The following TSPAN5 variants were observed in gnomAD, a reference collection of about 807,000 sequenced individuals.
TSPAN5 encodes tetraspanin 5.
A neutral mutation model predicts 37.1 loss-of-function variants in TSPAN5; 10 were observed. The ratio of observed to expected loss-of-function variants is 0.27; its 90% CI spans 0.17 to 0.46. The LOEUF (loss-of-function observed/expected upper bound fraction) is 0.46. Among genes scored for constraint, TSPAN5 ranks in the 20% least tolerant of loss-of-function variants. The pLI is 1.00. For synonymous variants in TSPAN5, 110 were observed against 118.9 expected (o/e 0.93, Z 0.48); for missense variants, 195 against 326.6 (o/e 0.60, Z 3.11).
chr4:98,609,106 G>T (rs548170397), intron 1 of TSPAN5, among the ~76,000 whole-genome samples: 2 of 151,792 alleles, frequency 1.3e-5, no homozygotes, highest in African/African-American at 2.4e-5. Context: ...GTAGTAACAG[G>T]AATGGATGCA....
At chr4:98,632,353 C>A (rs1756767280) in intron 1 of TSPAN5, among the ~76,000 whole-genome samples, 1 of 152,150 alleles carries the variant, frequency 6.6e-6, no homozygotes, top group African/African-American at 2.4e-5. Context: ...TCTGACCCCC[C>A]GACCCTGGAA....
At chr4:98,512,709 T>A (rs1271422501) in intron 1 of TSPAN5, among the ~76,000 whole-genome samples, 1 of 152,254 alleles carries the variant, frequency 6.6e-6, no homozygotes, top group Non-Finnish European at 1.5e-5. Context: ...GTACAGTGCC[T>A]TATTCTAACT....
chr4:98,476,306 C>T lies in TSPAN5; in HGVS notation c.625-1G>A. ...AGATTACAATCTGCTGGTCAACTTC[C>T]TTCACAAGAGAAGAGGAGAGCACAT... On this transcript the variant is annotated splice_acceptor_variant, in intron 6 of 7. Transcript: ENST00000305798. LOFTEE classifies it high-confidence loss of function. The T allele has an allele frequency of 6.2e-7, 1 of 1,613,966 alleles. No homozygotes were observed. Among genetic ancestry groups the T allele is most frequent in the Non-Finnish European group, 8.5e-7 (1 of 1,179,932 alleles).
intron 1 of TSPAN5, among the ~76,000 whole-genome samples, chr4:98,586,580 G>T (rs1311559366): frequency 2.0e-5 from 3 of 152,198 alleles, no homozygotes; most frequent in African/African-American, 7.2e-5. Context: ...ATTTACCCTA[G>T]GAGGAATTTA....
rs540138927 is a variant in TSPAN5 at position 98,618,357 on chromosome 4, C to T, written c.81+39789G>A. On this transcript the variant is annotated intron_variant, in intron 1 of 7. Transcript: ENST00000305798. ...TCAGACCTAAGGCACTGTGAACTTA[C>T]TTTCCAATTAAGAGCAAAACCAGAA... is the stretch of plus-strand genomic sequence containing the variant. Among the ~76,000 whole-genome samples the T allele has an allele frequency of 2.6e-5, 4 of 152,244 alleles. No individual in the cohort carries two copies. The South Asian group carries it at 8.3e-4, about 32-fold the overall frequency.
chr4:98,565,731 A>C (rs34240671), intron 1 of TSPAN5, among the ~76,000 whole-genome samples: 4 of 152,154 alleles, frequency 2.6e-5, no homozygotes, highest in African/African-American at 4.8e-5. Context: ...GCTGTCTGAG[A>C]GTCACATAAG....
At chr4:98,544,005 T>C (rs540882652) in intron 1 of TSPAN5, among the ~76,000 whole-genome samples, 115 of 151,936 alleles carry the variant, frequency 7.6e-4, no homozygotes, top group Non-Finnish European at 1.3e-3. Context: ...TAGTGAGATC[T>C]TGTCTCTACA....
At chr4:98,544,628 G>C (rs754825261) in intron 1 of TSPAN5, among the ~76,000 whole-genome samples, 1 of 152,088 alleles carries the variant, frequency 6.6e-6, no homozygotes, top group African/African-American at 2.4e-5. Flanking sequence ...TCATAACGAC[G>C]GCAACAAGTA....
intron 2 of TSPAN5, among the ~76,000 whole-genome samples, chr4:98,491,319 A>G (rs1314542507): frequency 1.3e-5 from 2 of 152,206 alleles, no homozygotes; most frequent in South Asian, 2.1e-4. Flanking sequence ...TCCCCTTGGG[A>G]TTAGGGAAAA....
intron 1 of TSPAN5, among the ~76,000 whole-genome samples, chr4:98,629,741 G>A (rs2110260916): frequency 6.6e-6 from 1 of 152,278 alleles, no homozygotes; most frequent in East Asian, 1.9e-4. Context: ...AATCCCCAGG[G>A]CAGTAAAAAC....
chr4:98,558,938 T>C (rs1469994544), intron 1 of TSPAN5, among the ~76,000 whole-genome samples: 1 of 152,230 alleles, frequency 6.6e-6, no homozygotes, highest in African/African-American at 2.4e-5. Context: ...CTCTATGATG[T>C]AGGTCCTGTA....
chr4:98,558,770 C>A (rs1396837623), intron 1 of TSPAN5, among the ~76,000 whole-genome samples: 8 of 152,132 alleles, frequency 5.3e-5, no homozygotes, highest in Admixed American at 3.9e-4. Context: ...TGCTTGAAAC[C>A]CATGTGGGCA....
At chr4:98,513,748 G>T (rs1753664997) in intron 1 of TSPAN5, among the ~76,000 whole-genome samples, 1 of 151,964 alleles carries the variant, frequency 6.6e-6, no homozygotes, top group Non-Finnish European at 1.5e-5. Flanking sequence ...TATTTTGGCT[G>T]CTATCTGAAT....
chr4:98,602,153 C>A, intron 1 of TSPAN5, among the ~76,000 whole-genome samples: 1 of 152,120 alleles, frequency 6.6e-6, no homozygotes, highest in East Asian at 1.9e-4. Context: ...AAATGTGACA[C>A]AGAGACATGA....
chr4:98,506,316 C>T (rs1429587847), intron 2 of TSPAN5, among the ~76,000 whole-genome samples: 1 of 152,196 alleles, frequency 6.6e-6, no homozygotes. Flanking sequence ...GTAAAAGTTT[C>T]TAGAGATGAA....
At chr4:98,651,900 T>C (rs1348336286) in intron 1 of TSPAN5, among the ~76,000 whole-genome samples, 1 of 138,734 alleles carries the variant, frequency 7.2e-6, no homozygotes, top group East Asian at 2.2e-4. Flanking sequence ...TGAGACAGGG[T>C]CTTGTTCTGT....
At chr4:98,654,158 T>A (rs1271837834) in intron 1 of TSPAN5, among the ~76,000 whole-genome samples, 1 of 152,150 alleles carries the variant, frequency 6.6e-6, no homozygotes, top group Non-Finnish European at 1.5e-5. Flanking sequence ...TAAGTCCAAC[T>A]CCAACTACAT....
At chr4:98,502,152 G>A (rs1214350421) in intron 2 of TSPAN5, among the ~76,000 whole-genome samples, 1 of 152,226 alleles carries the variant, frequency 6.6e-6, no homozygotes, top group Non-Finnish European at 1.5e-5. Flanking sequence ...AGCAGGTTGG[G>A]AGGGCATGAG....
chr4:98,536,036 C>G (rs1398625553), intron 1 of TSPAN5, among the ~76,000 whole-genome samples: 1 of 152,140 alleles, frequency 6.6e-6, no homozygotes, highest in Non-Finnish European at 1.5e-5. Flanking sequence ...TCTGTCAATT[C>G]GTCAAACTCA....
Sources: gnomAD v4.1 joint callset for allele counts (sites outside exome capture counted in the v4.1 genomes callset) on GRCh38, gnomAD v4.1.1 for gene constraint, MANE v1.5 for transcripts, NCBI Gene and HGNC (gene_info 2026-07-23, HGNC 2026-07-21) for gene names.